The following TCF4 variants were observed in gnomAD, a reference collection of about 807,000 sequenced individuals.
The protein encoded by TCF4 is SL3-3 enhancer factor 2.
Under a neutral mutation model 82.1 loss-of-function variants are expected in TCF4, and 3 were observed. The ratio of observed to expected loss-of-function variants is 0.04; its 90% CI spans 0.02 to 0.09. The LOEUF (loss-of-function observed/expected upper bound fraction) is 0.09, where lower values mean the gene tolerates loss of function less well. TCF4 is among the 10% of genes least tolerant of loss of function. TCF4 has a pLI of 1.00. For missense variants in TCF4, 518 were observed against 852.7 expected (o/e 0.61, Z 4.89); for synonymous variants, 276 against 309.6 (o/e 0.89, Z 1.14).
intron 3 of TCF4, among the ~76,000 whole-genome samples, chr18:55,559,041 TAAA>T (rs33984019): frequency 2.7e-5 from 3 of 111,264 alleles, no homozygotes; most frequent in Non-Finnish European, 1.9e-5. Flanking sequence ...ATCTCCCCCC[TAAA>T]AAAAAAAAAA....
At chr18:55,511,213 G>A (rs1403983698) in intron 3 of TCF4, among the ~76,000 whole-genome samples, 4 of 149,834 alleles carry the variant, frequency 2.7e-5, no homozygotes, top group African/African-American at 7.4e-5. Flanking sequence ...CAACATACTC[G>A]AACACAGTTC....
chr18:55,592,364 G>C (rs2097686466), upstream of TCF4, among the ~76,000 whole-genome samples: 1 of 152,102 alleles, frequency 6.6e-6, no homozygotes, highest in Non-Finnish European at 1.5e-5. Flanking sequence ...GTTCTGGAGA[G>C]GGCTCTCTTC....
chr18:55,525,567 T>C (rs1179900838), intron 3 of TCF4, among the ~76,000 whole-genome samples: 1 of 152,186 alleles, frequency 6.6e-6, no homozygotes, highest in African/African-American at 2.4e-5. Context: ...TAAAGTTAAA[T>C]AATTCATTAA....
intron 3 of TCF4, among the ~76,000 whole-genome samples, chr18:55,541,751 A>T (rs17513240): frequency 0.14 from 20,996 of 151,980 alleles, 1,928 homozygotes; most frequent in Admixed American, 0.27. Context: ...ATGGATCATA[A>T]CACATTCATC....
At chr18:55,419,001 T>A (rs1215109609) in intron 5 of TCF4, among the ~76,000 whole-genome samples, 1 of 151,140 alleles carries the variant, frequency 6.6e-6, no homozygotes, top group Non-Finnish European at 1.5e-5. Context: ...GTACTGTAGA[T>A]CCTATTTCTG....
At chr18:55,354,954 G>A (rs2083140582) in intron 6 of TCF4, among the ~76,000 whole-genome samples, 1 of 152,118 alleles carries the variant, frequency 6.6e-6, no homozygotes, top group African/African-American at 2.4e-5. Flanking sequence ...ACATCTTGGG[G>A]GGATGTTGCA....
chr18:55,538,792 A>G (rs921360865), intron 3 of TCF4, among the ~76,000 whole-genome samples: 1 of 152,248 alleles, frequency 6.6e-6, no homozygotes, highest in Non-Finnish European at 1.5e-5. Context: ...AGATGGCTGT[A>G]TATCTATCTT....
intron 8 of TCF4, among the ~76,000 whole-genome samples, chr18:55,290,246 A>G (rs1163892757): frequency 6.6e-6 from 1 of 152,208 alleles, no homozygotes; most frequent in Non-Finnish European, 1.5e-5. Flanking sequence ...CATCCTTAAG[A>G]AAGGACTTAA....
intron 3 of TCF4, among the ~76,000 whole-genome samples, chr18:55,484,847 TTAG>T (rs1414801093): frequency 6.6e-5 from 10 of 152,248 alleles, no homozygotes; most frequent in Non-Finnish European, 1.5e-4. Flanking sequence ...TTCTTCCTTC[TTAG>T]TAGAACGTGC....
intron 6 of TCF4, among the ~76,000 whole-genome samples, chr18:55,396,183 T>C (rs1052644019): frequency 3.3e-5 from 5 of 152,142 alleles, no homozygotes; most frequent in African/African-American, 9.7e-5. Context: ...GGAACCCAAG[T>C]TGGAAAGCAC....
chr18:55,331,598 C>G (rs758106138), intron 8 of TCF4, among the ~76,000 whole-genome samples: 1 of 152,064 alleles, frequency 6.6e-6, no homozygotes, highest in Non-Finnish European at 1.5e-5. Flanking sequence ...CGGAAAAACA[C>G]GATAGCCAGC....
upstream of TCF4, among the ~76,000 whole-genome samples, chr18:55,592,093 A>G (rs770376009): frequency 3.3e-5 from 5 of 152,198 alleles, no homozygotes; most frequent in Non-Finnish European, 7.3e-5. Flanking sequence ...AGAAGATTGG[A>G]GGCACCTAAG....
intron 3 of TCF4, among the ~76,000 whole-genome samples, chr18:55,537,700 CTT>C (rs1198553998): frequency 1.4e-4 from 22 of 151,990 alleles, no homozygotes; most frequent in Admixed American, 1.4e-3. Context: ...CGGAGTGTGT[CTT>C]TACATTAGTT....
At chr18:55,531,442 T>C (rs1386275600) in intron 3 of TCF4, among the ~76,000 whole-genome samples, 1 of 152,132 alleles carries the variant, frequency 6.6e-6, no homozygotes, top group Admixed American at 6.5e-5. Context: ...AAAAGTTACC[T>C]TATAAATCCC....
In TCF4 at chr18:55,226,001, A is replaced by T. The variant is rs2046541886; in HGVS notation, c.*2034T>A. 1 of 150,324 alleles carries T rather than the reference A, an allele frequency of 6.7e-6. No individual in the cohort carries two copies. The highest frequency in any genetic ancestry group is 2.4e-5 in the African/African-American group (1 of 41,182). The allele number at this position is 150,324 out of a possible 1,614,324, so 9.3% of individuals were successfully genotyped here. On this transcript the variant is annotated 3_prime_UTR_variant, in exon 20 of 20. Transcript: ENST00000354452. ...CTTGTAGCTATTTCATTTAAATGAGACTTCTTTTTAAACCACAGTTTTTAA... is the reference window on the plus strand; with the variant it reads ...CTTGTAGCTATTTCATTTAAATGAGTCTTCTTTTTAAACCACAGTTTTTAA...
intron 2 of TCF4, among the ~76,000 whole-genome samples, chr18:55,602,394 T>G (rs1429170412): frequency 1.3e-5 from 2 of 152,238 alleles, no homozygotes; most frequent in African/African-American, 4.8e-5. Flanking sequence ...TTTACTAATC[T>G]TGTTCCAATT....
intron 15 of TCF4, among the ~76,000 whole-genome samples, chr18:55,237,131 C>T (rs1195498636): frequency 6.6e-6 from 1 of 152,148 alleles, no homozygotes; most frequent in Non-Finnish European, 1.5e-5. Flanking sequence ...ATAATAACTG[C>T]AGACAGAATC....
At chr18:55,404,467 A>C (rs138755760) in intron 5 of TCF4, 1 of 152,334 alleles carries the variant, frequency 6.6e-6, no homozygotes, top group East Asian at 1.9e-4. Context: ...ACCCCACGCA[A>C]GTCTAAAGGA....
chr18:55,356,753 G>GTA (rs2083642753), intron 6 of TCF4, among the ~76,000 whole-genome samples: 1 of 151,940 alleles, frequency 6.6e-6, no homozygotes, highest in Admixed American at 6.6e-5. Context: ...CTTATCAAGC[G>GTA]TTGTTTTAAA....
Sources: allele counts gnomAD v4.1 joint callset (sites outside exome capture counted in the v4.1 genomes callset), GRCh38; gene constraint gnomAD v4.1.1; transcripts MANE v1.5; gene names NCBI Gene and HGNC (gene_info 2026-07-23, HGNC 2026-07-21).